The following LHFPL6 variants were observed in gnomAD, a reference collection of about 807,000 sequenced individuals.
LHFPL6 encodes LHFPL tetraspan subfamily member 6 protein.
In LHFPL6, 9 loss-of-function variants were observed where a neutral mutation model predicts 20.6. The observed-to-expected ratio is 0.44, with a 90% CI of 0.26 to 0.76. The LOEUF (loss-of-function observed/expected upper bound fraction) is 0.76, where lower values mean the gene tolerates loss of function less well. Among genes scored for constraint, LHFPL6 ranks in the 30% least tolerant of loss-of-function variants. The probability of loss-of-function intolerance (pLI) is 0.20; values close to 1 mark genes in which losing one functional copy is unlikely to be tolerated. For synonymous variants in LHFPL6, 105 were observed against 98.7 expected (o/e 1.06, Z -0.38); for missense variants, 218 against 253.5 (o/e 0.86, Z 0.95).
At chr13:39,498,923 C>T (rs1433847031) in intron 2 of LHFPL6, among the ~76,000 whole-genome samples, 2 of 152,020 alleles carry the variant, frequency 1.3e-5, no homozygotes, top group African/African-American at 4.8e-5. Flanking sequence ...TGCAGTGACG[C>T]GATCTCAGCT....
chr13:39,530,290 A>G (rs945428260), intron 2 of LHFPL6, among the ~76,000 whole-genome samples: 4 of 151,812 alleles, frequency 2.6e-5, no homozygotes, highest in Non-Finnish European at 5.9e-5. Context: ...AAAGAGTAGC[A>G]TATGTAAAGA....
chr13:39,546,320 T>C (rs1870981256), intron 2 of LHFPL6, among the ~76,000 whole-genome samples: 1 of 152,146 alleles, frequency 6.6e-6, no homozygotes, highest in Admixed American at 6.5e-5. Flanking sequence ...CTTCTGATCC[T>C]TTATAAAAAT....
chr13:39,592,812 T>C (rs1872651921), intron 2 of LHFPL6, among the ~76,000 whole-genome samples: 1 of 152,148 alleles, frequency 6.6e-6, no homozygotes. Flanking sequence ...GCAAGGCTGG[T>C]TCAACATATG....
At chr13:39,513,799 A>T (rs1179265814) in intron 2 of LHFPL6, among the ~76,000 whole-genome samples, 1 of 152,202 alleles carries the variant, frequency 6.6e-6, no homozygotes, top group Non-Finnish European at 1.5e-5. Context: ...TGATCCTACA[A>T]CATGTATATG....
At chr13:39,523,530 A>G (rs946949866) in intron 2 of LHFPL6, among the ~76,000 whole-genome samples, 1 of 145,984 alleles carries the variant, frequency 6.9e-6, no homozygotes, top group Non-Finnish European at 1.5e-5. Context: ...GATCACAGCG[A>G]GACTCCGTCT....
chr13:39,510,866 C>A (rs1344321189), intron 2 of LHFPL6, among the ~76,000 whole-genome samples: 12 of 110,192 alleles, frequency 1.1e-4, no homozygotes, highest in African/African-American at 4.5e-4. Flanking sequence ...GTAATCATTA[C>A]TTTAAATTTT....
intron 2 of LHFPL6, among the ~76,000 whole-genome samples, chr13:39,581,653 T>G (rs749875253): frequency 4.0e-5 from 6 of 151,882 alleles, no homozygotes; most frequent in Non-Finnish European, 7.4e-5. Context: ...CCCCAAGGTA[T>G]CTTTTGTTAA....
intron 2 of LHFPL6, among the ~76,000 whole-genome samples, chr13:39,509,480 T>C (rs1869610572): frequency 6.6e-6 from 1 of 152,166 alleles, no homozygotes; most frequent in African/African-American, 2.4e-5. Context: ...TGTGCTGAAG[T>C]TGGTTTAAGG....
intron 2 of LHFPL6, among the ~76,000 whole-genome samples, chr13:39,562,417 C>CATACACATATATACATAT (rs1871524640): frequency 1.7e-5 from 1 of 57,900 alleles, no homozygotes; most frequent in Non-Finnish European, 3.9e-5. Flanking sequence ...CACATATACA[C>CATACACATATATACATAT]ATATACATAT....
chr13:39,415,513 AC>A (rs1454053639), intron 2 of LHFPL6, among the ~76,000 whole-genome samples: 9 of 145,792 alleles, frequency 6.2e-5, no homozygotes, highest in Non-Finnish European at 1.2e-4. Flanking sequence ...AAAAAAAAAA[AC>A]AAAAAACAAA....
chr13:39,481,029 T>C (rs1868493548), intron 2 of LHFPL6, among the ~76,000 whole-genome samples: 1 of 152,220 alleles, frequency 6.6e-6, no homozygotes, highest in African/African-American at 2.4e-5. Flanking sequence ...GATGGATTTT[T>C]GGCAAATTAT....
At chr13:39,575,345 G>A (rs755870475) in intron 2 of LHFPL6, among the ~76,000 whole-genome samples, 13 of 152,192 alleles carry the variant, frequency 8.5e-5, no homozygotes, top group African/African-American at 1.9e-4. Flanking sequence ...AGACTTTAGC[G>A]CACAGTTAAG....
chr13:39,352,367 G>T (rs75386017), intron 3 of LHFPL6, among the ~76,000 whole-genome samples: 9,164 of 152,198 alleles, frequency 0.06, 446 homozygotes, highest in South Asian at 0.22. Flanking sequence ...AGTTTGGCTG[G>T]TGCCACCATA....
At chr13:39,353,720 A>G (rs1008923949) in intron 3 of LHFPL6, among the ~76,000 whole-genome samples, 1 of 152,260 alleles carries the variant, frequency 6.6e-6, no homozygotes, top group African/African-American at 2.4e-5. Context: ...AGAACAAAAA[A>G]CAAACAAACA....
intron 2 of LHFPL6, among the ~76,000 whole-genome samples, chr13:39,437,620 T>C (rs1385585179): frequency 6.6e-6 from 1 of 152,150 alleles, no homozygotes; most frequent in Non-Finnish European, 1.5e-5. Flanking sequence ...AAGAATTAAA[T>C]AGGCCAGGCG....
chr13:39,560,584 G>T lies in LHFPL6; in HGVS notation c.385+40248C>A, dbSNP rs184012335. Among the ~76,000 whole-genome samples, 1,161 of 142,588 alleles carry T rather than the reference G, an allele frequency of 8.1e-3. 11 individuals carry two copies. The highest frequency in any genetic ancestry group is 0.011 in the Non-Finnish European group (706 of 66,728). 93.5% of individuals were successfully genotyped at this position (142,588 alleles called of 152,430 possible). Reference sequence around the variant, plus strand: ...GGCTGGAGTGCAGTGGCGCGATCTCGGCTCACTGCAAGCCCCGCCTCCCGG... The same window carrying T: ...GGCTGGAGTGCAGTGGCGCGATCTCTGCTCACTGCAAGCCCCGCCTCCCGG... On this transcript the variant is annotated intron_variant, in intron 2 of 3. Coordinates refer to ENST00000379589, the MANE Select transcript of LHFPL6 (RefSeq NM_005780.3).
chr13:39,411,204 C>G (rs1392294561), intron 2 of LHFPL6, among the ~76,000 whole-genome samples: 1 of 152,100 alleles, frequency 6.6e-6, no homozygotes, highest in Non-Finnish European at 1.5e-5. Context: ...ATCAAAAGGC[C>G]ACACTCCAGG....
rs184006467 is a variant in LHFPL6 at position 39,523,494 on chromosome 13, G to A, written c.385+77338C>T. Among the ~76,000 whole-genome samples, 1,086 of 150,410 alleles carry A rather than the reference G, an allele frequency of 7.2e-3. 8 individuals carry two copies. The highest frequency in any genetic ancestry group is 0.013 in the Non-Finnish European group (853 of 67,832). On this transcript the variant is annotated intron_variant, in intron 2 of 3. Transcript: ENST00000379589. ...TGAGGCAGGAGAATGGCGTGAACCCGTGGGGCGGAGCCTGCAGTGAGCCGA... is the reference window on the plus strand; with the variant it reads ...TGAGGCAGGAGAATGGCGTGAACCCATGGGGCGGAGCCTGCAGTGAGCCGA...
intron 2 of LHFPL6, among the ~76,000 whole-genome samples, chr13:39,395,525 A>G (rs1870819060): frequency 6.6e-6 from 1 of 152,154 alleles, no homozygotes; most frequent in Admixed American, 6.5e-5. Flanking sequence ...AAAGACTGAT[A>G]AGGACGTCTG....
Sources: allele counts gnomAD v4.1 joint callset (sites outside exome capture counted in the v4.1 genomes callset), GRCh38; gene constraint gnomAD v4.1.1; transcripts MANE v1.5; gene names NCBI Gene and HGNC (gene_info 2026-07-23, HGNC 2026-07-21).